Variants in LTO1 observed in about 807,000 individuals in gnomAD.
The protein encoded by LTO1 is LTO1 maturation factor of ABCE1.
A neutral mutation model predicts 19.8 loss-of-function variants in LTO1; 18 were observed. The ratio of observed to expected loss-of-function variants is 0.91; its 90% CI spans 0.63 to 1.35. The LOEUF is 1.35. Among genes scored for constraint, LTO1 ranks in the 40% most tolerant of loss-of-function variants. The probability of loss-of-function intolerance (pLI) is 0.00; values close to 1 mark genes in which losing one functional copy is unlikely to be tolerated. For missense variants in LTO1, 175 were observed against 167.9 expected, an observed-to-expected ratio of 1.04 and a Z score of -0.23; for synonymous variants, 59 against 59.6, an observed-to-expected ratio of 0.99 and a Z score of 0.05.
chr11:69,672,075 G>T (rs1856117898), intron 2 of LTO1: 1 of 449,300 alleles, frequency 2.2e-6, no homozygotes, highest in Non-Finnish European at 4.1e-6. Flanking sequence ...CTCCACCAGG[G>T]TGGCTTTCGT....
intron 1 of LTO1, among the ~76,000 whole-genome samples, chr11:69,674,304 G>A (rs1220304155): frequency 6.6e-6 from 1 of 152,208 alleles, no homozygotes; most frequent in Admixed American, 6.5e-5. Context: ...CATGGGTAGG[G>A]CAACAGAGAG....
chr11:69,674,638 C>G, intron 1 of LTO1: 1 of 393,906 alleles, frequency 2.5e-6, no homozygotes, highest in South Asian at 1.9e-5. Context: ...CAGCGCCTGA[C>G]TGCTAAATGT....
At chr11:69,668,825 C>T (rs966015497) in intron 3 of LTO1, among the ~76,000 whole-genome samples, 1 of 151,656 alleles carries the variant, frequency 6.6e-6, no homozygotes, top group Admixed American at 6.6e-5. Context: ...GTCAGGAGTT[C>T]GAGACCAGCC....
chr11:69,674,233 G>A (rs1424659134), intron 1 of LTO1, among the ~76,000 whole-genome samples: 2 of 152,194 alleles, frequency 1.3e-5, no homozygotes, highest in African/African-American at 2.4e-5. Context: ...GAGTGTTCAA[G>A]TAGCACTAGC....
At chr11:69,674,501 G>A (rs750792250) in intron 1 of LTO1, 7 of 334,522 alleles carry the variant, frequency 2.1e-5, no homozygotes, top group Non-Finnish European at 4.1e-5. Flanking sequence ...CCTGGAAAGT[G>A]ACTGTGCCTC....
intron 3 of LTO1, among the ~76,000 whole-genome samples, chr11:69,668,811 T>G (rs1254788915): frequency 6.6e-6 from 1 of 151,946 alleles, no homozygotes. Context: ...GTGGATCACC[T>G]GAGGTCAGGA....
chr11:69,668,098 A>T, intron 3 of LTO1, 86 bp from the exon 4 acceptor site: 1 of 710,968 alleles, frequency 1.4e-6, no homozygotes. Flanking sequence ...GCTTCCTGAA[A>T]CCCAGCAGGT....
intron 1 of LTO1, chr11:69,674,721 C>T (rs1189446707): frequency 1.5e-5 from 7 of 457,640 alleles, no homozygotes; most frequent in Admixed American, 1.2e-4. Context: ...CAGGAGGCAA[C>T]TCACAGCTCC....
intron 2 of LTO1, chr11:69,672,808 T>G (rs1295331290): frequency 6.4e-6 from 2 of 312,458 alleles, no homozygotes; most frequent in African/African-American, 4.3e-5. Flanking sequence ...TGATTTTTTT[T>G]GTTTATTTTT....
chr11:69,668,789 AG>A (rs756634992), intron 3 of LTO1, among the ~76,000 whole-genome samples: 1 of 151,922 alleles, frequency 6.6e-6, no homozygotes, highest in Admixed American at 6.6e-5. Context: ...GCACTTTGGG[AG>A]GCCGAGGAGG....
Position 69,675,173 on chromosome 11 carries a change from C to T in LTO1, c.50+17G>A, listed in dbSNP as rs767095670. 6.3e-7 allele frequency: 1 copy of T among 1,586,750 alleles called. No individual in the cohort carries two copies. The highest frequency in any genetic ancestry group is 8.6e-7 in the Non-Finnish European group (1 of 1,168,010). On this transcript the variant is annotated intron_variant, in intron 1 of 4. Coordinates refer to ENST00000279147, the MANE Select transcript of LTO1 (RefSeq NM_153451.3). ...CGACCAGACAGGGCGGGGTGCGGGC[C>T]CGGCCTCACCACCCACCTCTCATCC...
intron 4 of LTO1, 36 bp downstream of exon 4, chr11:69,667,859 G>A (rs777858469): frequency 1.1e-5 from 11 of 1,040,278 alleles, no homozygotes; most frequent in Non-Finnish European, 1.5e-6. Context: ...GCGCAATCAG[G>A]TGCTCCTAGC....
chr11:69,667,799 C>T, intron 4 of LTO1, 96 bp downstream of exon 4: 1 of 792,252 alleles, frequency 1.3e-6, no homozygotes, highest in Non-Finnish European at 2.2e-6. Context: ...CACGCAGCCC[C>T]AGGCCATTGC....
chr11:69,668,691 T>G (rs1856067549), intron 3 of LTO1, among the ~76,000 whole-genome samples: 1 of 146,656 alleles, frequency 6.8e-6, no homozygotes, highest in Non-Finnish European at 1.5e-5. Flanking sequence ...TTTTTTTTAA[T>G]GGGGAGAGTA....
chr11:69,667,242 C>T lies in LTO1; in HGVS notation c.*277G>A. 2.0e-6 allele frequency: 1 copy of T among 489,610 alleles called. No homozygotes were observed. The highest frequency in any genetic ancestry group is 3.6e-6 in the Non-Finnish European group (1 of 277,014). 30.3% of individuals were successfully genotyped at this position (489,610 alleles called of 1,614,324 possible). ...AACTCCAACCCAGAACCAGCTAGGC[C>T]TGTGCTGCCGGAGAGGCTGTCAAGT... On this transcript the variant is annotated 3_prime_UTR_variant, in exon 5 of 5. Coordinates refer to ENST00000279147, the MANE Select transcript of LTO1 (RefSeq NM_153451.3).
At chr11:69,675,053 C>T (rs1378988571) in intron 1 of LTO1, 137 bp downstream of exon 1, 2 of 767,182 alleles carry the variant, frequency 2.6e-6, no homozygotes, top group Non-Finnish European at 2.2e-6. Flanking sequence ...TCCCTGCGTC[C>T]ACGGCCACCA....
intron 1 of LTO1, 165 bp from the exon 2 acceptor site, chr11:69,673,486 C>T: frequency 1.7e-6 from 1 of 590,714 alleles, no homozygotes; most frequent in Non-Finnish European, 3.0e-6. Flanking sequence ...CCAGATCTAC[C>T]ACTTCCTATT....
intron 3 of LTO1, chr11:69,671,544 T>C (rs1856108737): frequency 3.7e-6 from 2 of 538,894 alleles, no homozygotes; most frequent in East Asian, 3.1e-5. Flanking sequence ...ACAGCCAGTG[T>C]TCACCAAACA....
chr11:69,667,166 T>A lies in LTO1; in HGVS notation c.*353A>T, dbSNP rs1856044312. 8.7e-6 allele frequency: 2 copies of A among 230,526 alleles called. No homozygotes were observed. Among genetic ancestry groups the A allele is most frequent in the Non-Finnish European group, 1.7e-5 (2 of 120,188 alleles). 14.3% of individuals were successfully genotyped at this position (230,526 alleles called of 1,614,324 possible). ...CTCTCATTGCAAATAATAATAATAA[T>A]AAAAATAACTGCCTTCAGTCCAGGC... On this transcript the variant is annotated 3_prime_UTR_variant, in exon 5 of 5. Transcript: ENST00000279147.
Sources: gnomAD v4.1 joint callset for allele counts (sites outside exome capture counted in the v4.1 genomes callset) on GRCh38, gnomAD v4.1.1 for gene constraint, MANE v1.5 for transcripts, NCBI Gene and HGNC (gene_info 2026-07-23, HGNC 2026-07-21) for gene names.